PROS1: variants seen among roughly 807,000 people sequenced by gnomAD.
PROS1 encodes vitamin K-dependent protein S.
PROS1 carries 29 observed loss-of-function variants against 75.9 expected under a neutral mutation model. That is an observed-to-expected ratio of 0.38 (90% CI 0.28 to 0.52). The LOEUF is 0.52. Among genes scored for constraint, PROS1 ranks in the 20% least tolerant of loss-of-function variants. The pLI, the probability that PROS1 is intolerant of heterozygous loss-of-function variation, is 0.83. For missense variants in PROS1, 680 were observed against 810.3 expected (o/e 0.84, Z 1.95); for synonymous variants, 245 against 280.6 (o/e 0.87, Z 1.27).
rs773166529 is a variant in PROS1 at position 93,879,178 on chromosome 3, G to A, written c.1629C>T (p.Thr543=). Residue 543 remains threonine (T), a synonymous_variant, in exon 13 of 15, where the codon ACC becomes ACT. Coordinates refer to ENST00000394236, the MANE Select transcript of PROS1 (RefSeq NM_000313.4). The stretch of plus-strand genomic sequence containing the variant: ...GTTAAGTTACCTGTGATTTTTCAGA[G>A]GTGGAGTCCACCAAGGACACAGCAA... ...VPFAVSLVDS[T]SEKSQDILLS... The A allele has an allele frequency of 9.9e-6, 16 of 1,613,952 alleles. No individual in the cohort carries two copies. The highest frequency in any genetic ancestry group is 1.4e-5 in the Non-Finnish European group (16 of 1,180,002).
In PROS1 at chr3:93,929,757, C is replaced by T. The variant is rs555202831; in HGVS notation, c.77-2350G>A. ...ATTTGGAGAAAAGTATGGAGAGTGTCGAGTTTTGGTTTATTATTTTAGCAT... is the reference window on the plus strand; with the variant it reads ...ATTTGGAGAAAAGTATGGAGAGTGTTGAGTTTTGGTTTATTATTTTAGCAT... On this transcript the variant is annotated intron_variant, in intron 1 of 14. Transcript: ENST00000394236. 3.3e-5 allele frequency among the ~76,000 whole-genome samples: 5 copies of T among 152,204 alleles called. No individual in the cohort carries two copies. In the South Asian group the frequency reaches 8.3e-4, roughly 25 times the overall value.
rs2107137679 is a variant in PROS1 at position 93,884,905 on chromosome 3, T to C, written c.1324-9A>G. 3.7e-6 allele frequency: 6 copies of C among 1,610,520 alleles called. No individual in the cohort carries two copies. The highest frequency in any genetic ancestry group is 5.1e-6 in the Non-Finnish European group (6 of 1,177,798). On this transcript the variant is annotated splice_polypyrimidine_tract_variant and intron_variant, in intron 11 of 14. Transcript: ENST00000394236. ...TCTAGACGAGGGTTAATCTAACAAA[T>C]TAAAATACAAGTCAAGGAGTGCATT... is the stretch of plus-strand genomic sequence containing the variant.
At chr3:93,973,585 A>G in intron 1 of PROS1, 89 bp downstream of exon 1, 2 of 1,377,868 alleles carry the variant, frequency 1.5e-6, no homozygotes, top group Non-Finnish European at 2.0e-6. Context: ...AGGAGGCTGC[A>G]GCTCTAGAGA....
At chr3:93,878,719 TAA>T (rs564730533) in intron 13 of PROS1, among the ~76,000 whole-genome samples, 2 of 152,328 alleles carry the variant, frequency 1.3e-5, no homozygotes, top group South Asian at 4.1e-4. Context: ...GAGAAAAGAT[TAA>T]GAGTGTAAGA....
At chr3:93,899,401 A>G (rs1230050652) in intron 7 of PROS1, among the ~76,000 whole-genome samples, 1 of 152,192 alleles carries the variant, frequency 6.6e-6, no homozygotes, top group Non-Finnish European at 1.5e-5. Context: ...AATTTAAAAT[A>G]GATTCCCAAA....
rs1367216642 is a variant in PROS1, at chr3:93,924,288, T to C, written c.235-24A>G. 4 of 1,246,986 alleles carry C rather than the reference T, an allele frequency of 3.2e-6. 1 individual carries two copies. The African/African-American group carries it at 6.0e-5, about 19-fold the overall frequency. The allele number at this position is 1,246,986 out of a possible 1,614,324, so 77.2% of individuals were successfully genotyped here. On this transcript the variant is annotated intron_variant, in intron 2 of 14. Coordinates refer to ENST00000394236, the MANE Select transcript of PROS1 (RefSeq NM_000313.4). Reference sequence around the variant, plus strand: ...TCCTAGAAAGAAGAAAAAGAAAACATATCTTAGCAAACCTAAATTTCATTA... The same window carrying C: ...TCCTAGAAAGAAGAAAAAGAAAACACATCTTAGCAAACCTAAATTTCATTA...
At chr3:93,921,562 TA>T (rs1708943888) in intron 3 of PROS1, among the ~76,000 whole-genome samples, 1 of 152,226 alleles carries the variant, frequency 6.6e-6, no homozygotes, top group African/African-American at 2.4e-5. Context: ...ACTTGTTTAA[TA>T]CTCGTTTGTA....
At chr3:93,947,542 A>G (rs1360145881) in intron 1 of PROS1, among the ~76,000 whole-genome samples, 1 of 152,084 alleles carries the variant, frequency 6.6e-6, no homozygotes, top group East Asian at 1.9e-4. Context: ...GTTTGGGAGA[A>G]AGCCGATAAA....
At chr3:93,951,433 C>T (rs1387971715) in intron 1 of PROS1, among the ~76,000 whole-genome samples, 2 of 152,114 alleles carry the variant, frequency 1.3e-5, no homozygotes, top group Non-Finnish European at 2.9e-5. Flanking sequence ...AGAGTAGGGG[C>T]CAATATTCAA....
chr3:93,907,321 C>G (rs1708690881), intron 4 of PROS1, among the ~76,000 whole-genome samples: 1 of 152,180 alleles, frequency 6.6e-6, no homozygotes, highest in Admixed American at 6.5e-5. Context: ...CTGGGAGCTG[C>G]AGACATCGAA....
chr3:93,920,131 C>T (rs1708925292), intron 3 of PROS1, among the ~76,000 whole-genome samples: 1 of 152,072 alleles, frequency 6.6e-6, no homozygotes, highest in African/African-American at 2.4e-5. Context: ...CACATAGTAC[C>T]TCACACCTAT....
chr3:93,962,747 T>A (rs1222559788), intron 1 of PROS1, among the ~76,000 whole-genome samples: 1 of 152,156 alleles, frequency 6.6e-6, no homozygotes, highest in Non-Finnish European at 1.5e-5. Flanking sequence ...CTGAGAGCAG[T>A]GGACTCTCAG....
chr3:93,893,448 A>G (rs1171510141), intron 9 of PROS1, among the ~76,000 whole-genome samples: 3 of 152,234 alleles, frequency 2.0e-5, no homozygotes, highest in Admixed American at 6.5e-5. Context: ...ATACACAGGT[A>G]TAAGTATCAG....
intron 3 of PROS1, among the ~76,000 whole-genome samples, chr3:93,920,356 C>A (rs1456650029): frequency 3.9e-5 from 6 of 152,076 alleles, no homozygotes; most frequent in Non-Finnish European, 8.8e-5. Context: ...TCTAAGTCTT[C>A]AATTTGAGTA....
In PROS1 at chr3:93,910,931, G is replaced by A. The variant is rs1708750913; in HGVS notation, c.260-226C>T. On this transcript the variant is annotated intron_variant, in intron 3 of 14. Transcript: ENST00000394236. ...AAACATAAAAAATAAGTCTGTGACA[G>A]CTTCTTCTCTCTGGAGAAGAACCTT... 3.7e-5 allele frequency: 19 copies of A among 520,446 alleles called. No homozygotes were observed. In the East Asian group the frequency reaches 6.4e-4, roughly 18 times the overall value. 32.2% of individuals were successfully genotyped at this position (520,446 alleles called of 1,614,324 possible).
chr3:93,906,250 A>AG (rs1388076078), intron 4 of PROS1, 107 bp from the exon 5 acceptor site: 2 of 1,184,992 alleles, frequency 1.7e-6, no homozygotes, highest in Non-Finnish European at 2.4e-6. Flanking sequence ...TGAAAAAAAA[A>AG]CACACAACTC....
chr3:93,935,161 G>C (rs1180017982), intron 1 of PROS1, among the ~76,000 whole-genome samples: 1 of 152,240 alleles, frequency 6.6e-6, no homozygotes, highest in East Asian at 1.9e-4. Flanking sequence ...TCATTGAAGG[G>C]ATTCAAGAGC....
intron 3 of PROS1, among the ~76,000 whole-genome samples, chr3:93,918,295 G>T (rs974038744): frequency 2.0e-5 from 3 of 152,020 alleles, no homozygotes; most frequent in Non-Finnish European, 4.4e-5. Context: ...CAGACCACTC[G>T]CTCTATCAAT....
At chr3:93,914,073 C>T (rs1708802903) in intron 3 of PROS1, among the ~76,000 whole-genome samples, 1 of 152,366 alleles carries the variant, frequency 6.6e-6, no homozygotes, top group African/African-American at 2.4e-5. Flanking sequence ...CCAGCCCATC[C>T]CTATGGCTTT....
Sources: allele counts gnomAD v4.1 joint callset (sites outside exome capture counted in the v4.1 genomes callset), GRCh38; gene constraint gnomAD v4.1.1; transcripts MANE v1.5; gene names NCBI Gene and HGNC (gene_info 2026-07-23, HGNC 2026-07-21).